SCFD2: variants seen among roughly 807,000 people sequenced by gnomAD.
SCFD2 encodes sec1 family domain-containing protein 2.
SCFD2 carries 54 observed loss-of-function variants against 58.9 expected under a neutral mutation model. That is an observed-to-expected ratio of 0.92 (90% CI 0.74 to 1.15). The LOEUF (loss-of-function observed/expected upper bound fraction) is 1.15, where lower values mean the gene tolerates loss of function less well. SCFD2 is among the 50% of genes most tolerant of loss of function. The pLI is 0.00. For missense variants in SCFD2, 805 were observed against 836.6 expected (o/e 0.96, Z 0.47); for synonymous variants, 321 against 335.9 (o/e 0.96, Z 0.49).
chr4:52,906,182 C>G (rs924483015), intron 7 of SCFD2, among the ~76,000 whole-genome samples: 16 of 152,162 alleles, frequency 1.1e-4, no homozygotes, highest in African/African-American at 3.6e-4. Flanking sequence ...GCCAGACCCC[C>G]CTGTACAGGG....
At chr4:53,347,795 G>T (rs1734098622) in intron 2 of SCFD2, among the ~76,000 whole-genome samples, 1 of 152,224 alleles carries the variant, frequency 6.6e-6, no homozygotes, top group Non-Finnish European at 1.5e-5. Flanking sequence ...GTAGGCCATT[G>T]TGAGGTCTTG....
chr4:53,302,572 C>A (rs370239289), intron 3 of SCFD2, among the ~76,000 whole-genome samples: 34 of 152,064 alleles, frequency 2.2e-4, no homozygotes, highest in South Asian at 6.2e-4. Flanking sequence ...GCTACCAATG[C>A]CTTTCTTCAC....
At chr4:53,335,429 G>A (rs1271559941) in intron 2 of SCFD2, among the ~76,000 whole-genome samples, 7 of 152,234 alleles carry the variant, frequency 4.6e-5, no homozygotes, top group East Asian at 3.9e-4. Context: ...TGAATGCAGC[G>A]TGTGCTTCTG....
At chr4:53,258,573 T>G (rs1226106726) in intron 4 of SCFD2, among the ~76,000 whole-genome samples, 4 of 134,428 alleles carry the variant, frequency 3.0e-5, no homozygotes, top group Non-Finnish European at 6.3e-5. Context: ...TATATATATA[T>G]ATATACACAC....
chr4:53,311,601 G>A (rs1341344651), intron 3 of SCFD2, among the ~76,000 whole-genome samples: 3 of 151,624 alleles, frequency 2.0e-5, no homozygotes, highest in African/African-American at 4.8e-5. Flanking sequence ...ATTAACCTTA[G>A]CATGAAGACC....
chr4:53,364,142 T>C (rs1734630604), intron 1 of SCFD2, among the ~76,000 whole-genome samples: 1 of 152,228 alleles, frequency 6.6e-6, no homozygotes, highest in Non-Finnish European at 1.5e-5. Context: ...CACCTGGTTT[T>C]TCCAGTCACA....
chr4:53,205,586 G>A (rs1464917574), intron 4 of SCFD2, among the ~76,000 whole-genome samples: 2 of 152,200 alleles, frequency 1.3e-5, no homozygotes, highest in East Asian at 3.9e-4. Flanking sequence ...AACCAAAGAT[G>A]AAAAAGGCTC....
chr4:53,084,895 T>C (rs1441928266), intron 5 of SCFD2, among the ~76,000 whole-genome samples: 1 of 152,176 alleles, frequency 6.6e-6, no homozygotes, highest in Non-Finnish European at 1.5e-5. Context: ...GTTGACACAA[T>C]AAAAGCCATA....
Position 53,014,123 on chromosome 4 carries a change from C to T in SCFD2, c.1562-93253G>A, listed in dbSNP as rs1722158085. ...GGATGCAGGGAGGTAAATGGGTGGA[C>T]CTGTTTACATTATGGTATGGTAGGC... is the stretch of plus-strand genomic sequence containing the variant. On this transcript the variant is annotated intron_variant, in intron 5 of 8. Coordinates refer to ENST00000401642, the MANE Select transcript of SCFD2 (RefSeq NM_152540.4). 2.0e-5 allele frequency among the ~76,000 whole-genome samples: 3 copies of T among 152,080 alleles called. No homozygotes were observed. In the South Asian group the frequency reaches 6.2e-4, roughly 32 times the overall value.
chr4:53,003,118 C>T (rs546372873), intron 5 of SCFD2, among the ~76,000 whole-genome samples: 1 of 152,342 alleles, frequency 6.6e-6, no homozygotes, highest in African/African-American at 2.4e-5. Context: ...GATTACAATT[C>T]AACATGAGGT....
intron 5 of SCFD2, among the ~76,000 whole-genome samples, chr4:53,080,605 T>G (rs773980406): frequency 6.6e-6 from 1 of 152,064 alleles, no homozygotes; most frequent in South Asian, 2.1e-4. Flanking sequence ...GATAGGCCTT[T>G]CTCTCTCTGG....
intron 5 of SCFD2, among the ~76,000 whole-genome samples, chr4:53,027,191 C>T (rs1722496177): frequency 6.6e-6 from 1 of 152,180 alleles, no homozygotes; most frequent in Admixed American, 6.5e-5. Flanking sequence ...TTCTTCCCAT[C>T]CTTCCAGGCC....
intron 2 of SCFD2, among the ~76,000 whole-genome samples, chr4:53,343,201 A>T (rs563393825): frequency 3.2e-4 from 48 of 152,320 alleles, no homozygotes; most frequent in African/African-American, 1.1e-3. Context: ...AACAAAATTG[A>T]TAGACCGCTA....
intron 5 of SCFD2, among the ~76,000 whole-genome samples, chr4:53,061,736 T>C (rs1723519320): frequency 6.6e-6 from 1 of 152,066 alleles, no homozygotes; most frequent in Admixed American, 6.6e-5. Flanking sequence ...CAGATGGTAG[T>C]TTTAAAGGAC....
At chr4:52,982,524 A>G (rs1721398815) in intron 5 of SCFD2, among the ~76,000 whole-genome samples, 1 of 152,218 alleles carries the variant, frequency 6.6e-6, no homozygotes, top group Non-Finnish European at 1.5e-5. Context: ...TTTCTACTCC[A>G]AAGTAAGCAG....
At chr4:53,258,376 C>T (rs138170421) in intron 4 of SCFD2, among the ~76,000 whole-genome samples, 5 of 151,954 alleles carry the variant, frequency 3.3e-5, no homozygotes, top group African/African-American at 1.2e-4. Flanking sequence ...GTCTTTGTGT[C>T]TTCATAGCCT....
chr4:52,913,480 C>T (rs757254577), intron 6 of SCFD2, among the ~76,000 whole-genome samples: 7 of 152,164 alleles, frequency 4.6e-5, no homozygotes, highest in Non-Finnish European at 1.0e-4. Flanking sequence ...CTGTCTCTGT[C>T]TCCCATCACC....
intron 3 of SCFD2, among the ~76,000 whole-genome samples, chr4:53,284,777 G>A (rs1279234130): frequency 1.3e-5 from 2 of 152,158 alleles, no homozygotes; most frequent in East Asian, 3.9e-4. Flanking sequence ...TTATTAAAGG[G>A]GGAAGTGGGA....
At chr4:53,298,081 AGTGCCGGACAGTGG>A (rs1335519778) in intron 3 of SCFD2, among the ~76,000 whole-genome samples, 1 of 152,088 alleles carries the variant, frequency 6.6e-6, no homozygotes, top group Non-Finnish European at 1.5e-5. Flanking sequence ...CACACTGGGG[AGTGCCGGACAGTGG>A]GTGCAGGACA....
Sources: gnomAD v4.1 joint callset for allele counts (sites outside exome capture counted in the v4.1 genomes callset) on GRCh38, gnomAD v4.1.1 for gene constraint, MANE v1.5 for transcripts, NCBI Gene and HGNC (gene_info 2026-07-23, HGNC 2026-07-21) for gene names.